CARD8: variants seen among roughly 807,000 people sequenced by gnomAD.
CARD8 encodes caspase recruitment domain family member 8.
A neutral mutation model predicts 53.2 loss-of-function variants in CARD8; 38 were observed. The ratio of observed to expected loss-of-function variants is 0.71; its 90% CI spans 0.55 to 0.94. The LOEUF (loss-of-function observed/expected upper bound fraction) is 0.94, where lower values mean the gene tolerates loss of function less well. Ranked by LOEUF, CARD8 falls within the 40% of genes least tolerant of loss-of-function variation. CARD8 has a pLI of 0.00. For missense variants in CARD8, 561 were observed against 655.5 expected (o/e 0.86, Z 1.57); for synonymous variants, 245 against 244.9 (o/e 1.00, Z 0.00).
chr19:48,244,557 C>G (rs2045791141), intron 3 of CARD8, among the ~76,000 whole-genome samples: 1 of 152,136 alleles, frequency 6.6e-6, no homozygotes, highest in Admixed American at 6.6e-5. Flanking sequence ...GAGGTCTGGG[C>G]AGGTAGAGTG....
intron 10 of CARD8, among the ~76,000 whole-genome samples, chr19:48,227,116 A>G (rs1191100651): frequency 1.3e-5 from 2 of 151,942 alleles, no homozygotes; most frequent in East Asian, 3.9e-4. Context: ...AGAAAAGAAA[A>G]TAAGTGGAGG....
At chr19:48,218,100 G>A (rs2039700986) in intron 12 of CARD8, among the ~76,000 whole-genome samples, 1 of 151,688 alleles carries the variant, frequency 6.6e-6, no homozygotes, top group East Asian at 1.9e-4. Flanking sequence ...TCCTAGAGAT[G>A]AACAAATGCC....
chr19:48,239,472 CTTTT>C (rs36029407), intron 4 of CARD8, among the ~76,000 whole-genome samples: 191 of 102,684 alleles, frequency 1.9e-3, no homozygotes, highest in Admixed American at 4.2e-3. Context: ...TCATTTCAGA[CTTTT>C]TTTTTTTTTT....
At chr19:48,214,775 T>C (rs1272492330) in intron 13 of CARD8, among the ~76,000 whole-genome samples, 2,852 of 9,322 alleles carry the variant, frequency 0.31, 414 homozygotes, top group African/African-American at 0.39. Flanking sequence ...AAAGCTTTTT[T>C]TTTTTTTTTT....
At chr19:48,234,839 T>A (rs2043581069) in intron 5 of CARD8, among the ~76,000 whole-genome samples, 1 of 152,178 alleles carries the variant, frequency 6.6e-6, no homozygotes, top group Non-Finnish European at 1.5e-5. Flanking sequence ...AAACATTGGT[T>A]TCATAATAGG....
At chr19:48,225,861 T>C (rs968378272) in intron 10 of CARD8, among the ~76,000 whole-genome samples, 12 of 152,138 alleles carry the variant, frequency 7.9e-5, no homozygotes, top group African/African-American at 2.7e-4. Context: ...AAGACCAGCC[T>C]GACCAATATG....
At chr19:48,218,487 C>T (rs2039820751) in intron 12 of CARD8, among the ~76,000 whole-genome samples, 1 of 151,548 alleles carries the variant, frequency 6.6e-6, no homozygotes, top group South Asian at 2.1e-4. Context: ...CCCACGTAGC[C>T]AGGACTACAG....
chr19:48,203,642 TAGA>T (rs10568948), downstream of CARD8: 4,907 of 152,796 alleles, frequency 0.032, 264 homozygotes, highest in African/African-American at 0.11. Flanking sequence ...CCCGCCAAAA[TAGA>T]AGCTCTATTT....
chr19:48,227,401 T>C (rs768165635), intron 10 of CARD8, among the ~76,000 whole-genome samples: 24 of 151,998 alleles, frequency 1.6e-4, no homozygotes, highest in Non-Finnish European at 2.8e-4. Context: ...AGTCCGTCAG[T>C]GAAGACAGAA....
At chr19:48,243,549 T>A (rs2146805124) in intron 3 of CARD8, among the ~76,000 whole-genome samples, 1 of 152,372 alleles carries the variant, frequency 6.6e-6, no homozygotes, top group East Asian at 1.9e-4. Flanking sequence ...TTAATTTAGC[T>A]ATCCTCTGAA....
In CARD8 at chr19:48,232,453, C is replaced by T. The variant is rs2043088737; in HGVS notation, c.391G>A (p.Gly131Arg). ...ACTCCTCTCCCTATTAGCCCATTAC[C>T]TGAATCTTGTCCCTCTGAAGATTCC... is the stretch of plus-strand genomic sequence containing the variant. The part of the protein sequence containing the change: ...EQESSEGQDS[G>R]DICSEENQIV... Residue 131 changes from glycine (G) to arginine (R), a missense_variant and splice_region_variant, in exon 7 of 14, where the codon GGA becomes AGA. Physicochemically the swap from Gly to Arg is moderately radical, Grantham distance 125. Coordinates refer to ENST00000651546, the MANE Select transcript of CARD8 (RefSeq NM_001184900.3). The T allele has an allele frequency of 2.6e-6, 4 of 1,535,668 alleles. No individual in the cohort carries two copies. The South Asian group carries it at 3.6e-5, about 14-fold the overall frequency.
chr19:48,206,617 C>G (rs1231947001), downstream of CARD8: 2 of 422,156 alleles, frequency 4.7e-6, no homozygotes, highest in Non-Finnish European at 9.5e-6. Flanking sequence ...CTAAAGGGCA[C>G]CTAGGGGTGT....
At chr19:48,215,406 T>C in intron 12 of CARD8, 22 bp from the exon 13 acceptor site, 2 of 1,558,036 alleles carry the variant, frequency 1.3e-6, no homozygotes, top group Non-Finnish European at 1.8e-6. Context: ...GGAAAAATTA[T>C]ATGATGAGAT....
At position 48,242,986 on chromosome 19, in the gene CARD8, T is replaced by A. The variant is rs954905958; in HGVS notation, c.-43-1923A>T. Among the ~76,000 whole-genome samples the A allele has an allele frequency of 2.0e-5, 3 of 152,290 alleles. No individual in the cohort carries two copies. In the East Asian group the frequency reaches 5.8e-4, roughly 29 times the overall value. ...ATTGTGATTTTTGAAGATTAACTTT[T>A]ATATAATAATAAAAATACATATTAT... On this transcript the variant is annotated intron_variant, in intron 3 of 13. Transcript: ENST00000651546.
chr19:48,231,746 G>A lies in CARD8; in HGVS notation c.456C>T (p.Ile152=), dbSNP rs372775777. 51 of 1,613,228 alleles carry A rather than the reference G, an allele frequency of 3.2e-5. No homozygotes were observed. Among genetic ancestry groups the A allele is most frequent in the East Asian group, 1.1e-4 (5 of 44,836 alleles). The part of the protein sequence containing the change: ...SSYASKVCFE[I]EEDYKNRQFL... ...ACTGACGATTTTTATAATCTTCTTC[G>A]ATCTCAAAACAGACTTTAGAAGCAT... is the stretch of plus-strand genomic sequence containing the variant. Residue 152 remains isoleucine, a synonymous_variant, in exon 8 of 14, where the codon ATC becomes ATT. Transcript: ENST00000651546.
intron 13 of CARD8, chr19:48,213,087 G>A (rs1387549139): frequency 6.6e-6 from 1 of 152,224 alleles, no homozygotes; most frequent in Non-Finnish European, 1.5e-5. Flanking sequence ...TGTTGTTTGA[G>A]CCCATGAATC....
At chr19:48,240,732 G>A (rs1470080830) in intron 4 of CARD8, among the ~76,000 whole-genome samples, 1 of 150,670 alleles carries the variant, frequency 6.6e-6, no homozygotes, top group Non-Finnish European at 1.5e-5. Flanking sequence ...TGGTACCAGC[G>A]CACTCTGGCC....
rs1203245066 is a variant in CARD8, at chr19:48,248,624, T to C, written c.-44+899A>G. 2.6e-5 allele frequency among the ~76,000 whole-genome samples: 4 copies of C among 152,194 alleles called. No individual in the cohort carries two copies. The East Asian group carries it at 7.7e-4, about 29-fold the overall frequency. On this transcript the variant is annotated intron_variant, in intron 3 of 13. Coordinates refer to ENST00000651546, the MANE Select transcript of CARD8 (RefSeq NM_001184900.3). ...ATGAATGTGTAGCAATGGAAACTCG[T>C]AAACCAGTAGTGGAGATGACTGAAA...
At chr19:48,227,585 A>C (rs2146030339) in intron 10 of CARD8, among the ~76,000 whole-genome samples, 1 of 152,182 alleles carries the variant, frequency 6.6e-6, no homozygotes, top group South Asian at 2.1e-4. Flanking sequence ...CGGGCAGATC[A>C]CAAGGTCAGG....
Sources: gnomAD v4.1 joint callset for allele counts (sites outside exome capture counted in the v4.1 genomes callset) on GRCh38, gnomAD v4.1.1 for gene constraint, MANE v1.5 for transcripts, NCBI Gene and HGNC (gene_info 2026-07-23, HGNC 2026-07-21) for gene names.